HELB: variants seen among roughly 807,000 people sequenced by gnomAD.
HELB encodes DNA 5'-3' helicase B.
HELB carries 96 observed loss-of-function variants against 101.7 expected under a neutral mutation model. The ratio of observed to expected loss-of-function variants is 0.94; its 90% confidence interval spans 0.80 to 1.12. The LOEUF (loss-of-function observed/expected upper bound fraction) is 1.12. HELB is among the 50% of genes most tolerant of loss of function. The pLI is 0.00. For missense variants in HELB, 1,210 were observed against 1,291.9 expected, an observed-to-expected ratio of 0.94 and a Z score of 0.97; for synonymous variants, 437 against 459.7, an observed-to-expected ratio of 0.95 and a Z score of 0.63.
At position 66,325,041 on chromosome 12, in the gene HELB, G is replaced by A. The variant is rs779338182; in HGVS notation, c.2585G>A (p.Gly862Asp). 1.4e-5 allele frequency: 22 copies of A among 1,613,498 alleles called. No homozygotes were observed. Among genetic ancestry groups the A allele is most frequent in the Non-Finnish European group, 1.9e-5 (22 of 1,179,596 alleles). Residue 862 changes from glycine to aspartate, a missense_variant, in exon 11 of 13, where the codon GGC (glycine) becomes GAC (aspartate). Gly to Asp is a moderately conservative substitution (Grantham distance 94). Coordinates refer to ENST00000247815, the MANE Select transcript of HELB (RefSeq NM_001370285.1). ...RRSLTINNMA[G>D]LEVTVDFKKL... ...TCTTTGACCATTAATAATATGGCTG[G>A]CCTGGAAGTAACTGTGGATTTTAAG...
chr12:66,334,213 A>T (rs2053840599), intron 12 of HELB, among the ~76,000 whole-genome samples: 1 of 147,236 alleles, frequency 6.8e-6, no homozygotes, highest in African/African-American at 2.5e-5. Context: ...TGTAATTCCA[A>T]CACCTTCAGG....
rs757502364 is a variant in HELB at position 66,309,902 on chromosome 12, A to G, written c.974A>G (p.His325Arg). 4.3e-6 allele frequency: 7 copies of G among 1,614,118 alleles called. No homozygotes were observed. Among genetic ancestry groups the G allele is most frequent in the Non-Finnish European group, 5.9e-6 (7 of 1,179,932 alleles). ...VNDLTLTLSN[H>R]MSFHAASESL... ...GACTTAACTTTGACATTGTCAAATC[A>G]TATGTCATTTCATGCTGCTTCAGAG... Residue 325 changes from histidine to arginine, a missense_variant, in exon 4 of 13, where the codon CAT (histidine) becomes CGT (arginine). Transcript: ENST00000247815.
intron 11 of HELB, among the ~76,000 whole-genome samples, chr12:66,329,061 CAT>C (rs1489033727): frequency 6.6e-6 from 1 of 152,118 alleles, no homozygotes; most frequent in African/African-American, 2.4e-5. Flanking sequence ...ATAGAATAGA[CAT>C]ATACATAATT....
At position 66,338,192 on chromosome 12, in the gene HELB, T is replaced by A. The variant is rs1180436116; in HGVS notation, c.*90T>A. On this transcript the variant is annotated 3_prime_UTR_variant, in exon 13 of 13. Coordinates refer to ENST00000247815, the MANE Select transcript of HELB (RefSeq NM_001370285.1). ...TCAAAGTACCAAGATAAAAAAAGTT[T>A]CCTATAACTGGAGTTTTAAGGTATT... 1.6e-5 allele frequency: 12 copies of A among 766,526 alleles called. No individual in the cohort carries two copies. The highest frequency in any genetic ancestry group is 2.5e-5 in the Non-Finnish European group (11 of 446,330). The allele number at this position is 766,526 out of a possible 1,614,324, so 47.5% of individuals were successfully genotyped here.
intron 11 of HELB, among the ~76,000 whole-genome samples, chr12:66,325,476 C>T (rs142878513): frequency 6.6e-6 from 1 of 152,168 alleles, no homozygotes; most frequent in Non-Finnish European, 1.5e-5. Flanking sequence ...TTTTGATTTA[C>T]AAAACTGTTA....
At chr12:66,329,442 C>T (rs1023006467) in intron 11 of HELB, among the ~76,000 whole-genome samples, 2 of 152,040 alleles carry the variant, frequency 1.3e-5, no homozygotes, top group African/African-American at 4.8e-5. Flanking sequence ...AAATTGAGGC[C>T]ATGGACTGAG....
intron 12 of HELB, among the ~76,000 whole-genome samples, chr12:66,336,637 C>T (rs896199808): frequency 2.0e-5 from 3 of 152,156 alleles, no homozygotes; most frequent in African/African-American, 7.2e-5. Context: ...GGATATGGCA[C>T]AGGGAAAACG....
intron 1 of HELB, among the ~76,000 whole-genome samples, chr12:66,303,781 G>A (rs2053438553): frequency 6.6e-6 from 1 of 152,292 alleles, no homozygotes; most frequent in Non-Finnish European, 1.5e-5. Flanking sequence ...AGTTTCCTGT[G>A]CTATAAGTTA....
rs2053452286 is a variant in HELB, at chr12:66,304,743, A to T, written c.200A>T (p.Asp67Val). ...TGTTTTTTTTTAGTTTCTATTTGTG[A>T]TGAAAACACACAAGAGACATGTAAA... is the stretch of plus-strand genomic sequence containing the variant. Reference protein sequence around the residue: ...LPGCLRVSICDENTQETCKVF... With the variant: ...LPGCLRVSICVENTQETCKVF... The change falls in exon 2 of 13, where the codon GAT becomes GTT. Residue 67 changes from aspartate (D) to valine (V), a missense_variant. Physicochemically the swap from Asp to Val is radical, Grantham distance 152. Coordinates refer to ENST00000247815, the MANE Select transcript of HELB (RefSeq NM_001370285.1). 6.3e-7 allele frequency: 1 copy of T among 1,586,954 alleles called. No individual in the cohort carries two copies.
At chr12:66,339,863 C>T (rs2053904144), downstream of HELB, 1 of 152,206 alleles carries the variant, frequency 6.6e-6, no homozygotes, top group African/African-American at 2.4e-5. Flanking sequence ...CTATTGCAGA[C>T]ATGTGGTTCT....
At chr12:66,337,792 C>T (rs2053882452) in intron 12 of HELB, among the ~76,000 whole-genome samples, 1 of 152,122 alleles carries the variant, frequency 6.6e-6, no homozygotes, top group African/African-American at 2.4e-5. Context: ...AAATGCCAGA[C>T]CCAGAGCTGG....
intron 11 of HELB, among the ~76,000 whole-genome samples, chr12:66,330,589 G>A (rs75506259): frequency 6.1e-5 from 9 of 147,654 alleles, no homozygotes; most frequent in African/African-American, 2.2e-4. Flanking sequence ...ATATATATAT[G>A]GTTTTTAAAA....
At chr12:66,310,944 C>CA (rs913826431) in intron 4 of HELB, among the ~76,000 whole-genome samples, 26 of 151,442 alleles carry the variant, frequency 1.7e-4, no homozygotes, top group East Asian at 5.9e-4. Flanking sequence ...AGCAAACGAA[C>CA]AAAAAAAATT....
At chr12:66,318,308 G>T (rs979616854) in intron 6 of HELB, among the ~76,000 whole-genome samples, 1 of 152,096 alleles carries the variant, frequency 6.6e-6, no homozygotes, top group African/African-American at 2.4e-5. Flanking sequence ...TCCTTGCATG[G>T]TTCTTTTGTG....
intron 7 of HELB, 146 bp downstream of exon 7, chr12:66,318,938 TAGTA>T (rs1000241561): frequency 9.3e-6 from 6 of 646,202 alleles, no homozygotes; most frequent in Non-Finnish European, 1.3e-5. Flanking sequence ...TAAATGAACT[TAGTA>T]ATCATCAAAA....
chr12:66,316,762 GTAA>G (rs2053610587), intron 6 of HELB, among the ~76,000 whole-genome samples: 2 of 151,896 alleles, frequency 1.3e-5, no homozygotes. Flanking sequence ...GCTCATGCCT[GTAA>G]TCCCACCACT....
intron 11 of HELB, among the ~76,000 whole-genome samples, chr12:66,330,462 A>C (rs566032459): frequency 1.3e-5 from 2 of 151,552 alleles, no homozygotes; most frequent in Non-Finnish European, 1.5e-5. Flanking sequence ...TTCATTGTAC[A>C]TAGCTATGTT....
intron 11 of HELB, among the ~76,000 whole-genome samples, chr12:66,330,672 T>A (rs1255903099): frequency 6.7e-6 from 1 of 148,214 alleles, no homozygotes; most frequent in East Asian, 1.9e-4. Flanking sequence ...TATAAGTATA[T>A]AATATATATT....
downstream of HELB, chr12:66,339,526 C>A (rs1481926304): frequency 1.3e-5 from 2 of 151,760 alleles, no homozygotes; most frequent in Non-Finnish European, 2.9e-5. Context: ...CTTTGGGAGG[C>A]TGAGGTGAGC....
Sources: gnomAD v4.1 joint callset for allele counts (sites outside exome capture counted in the v4.1 genomes callset) on GRCh38, gnomAD v4.1.1 for gene constraint, MANE v1.5 for transcripts, NCBI Gene and HGNC (gene_info 2026-07-23, HGNC 2026-07-21) for gene names.